The following SMYD3 variants were observed in gnomAD, a reference collection of about 807,000 sequenced individuals.
SMYD3 encodes the protein SET and MYND domain containing 3.
SMYD3 carries 36 observed loss-of-function variants against 57.7 expected under a neutral mutation model. The observed-to-expected ratio is 0.62, with a 90% CI of 0.48 to 0.82. The LOEUF (loss-of-function observed/expected upper bound fraction) is 0.82, where lower values mean the gene tolerates loss of function less well. Ranked by LOEUF, SMYD3 falls within the 40% of genes least tolerant of loss-of-function variation. The pLI, the probability that SMYD3 is intolerant of heterozygous loss-of-function variation, is 0.00. For synonymous variants in SMYD3, 211 were observed against 195.0 expected (o/e 1.08, Z -0.68); for missense variants, 515 against 538.8 (o/e 0.96, Z 0.44).
intron 1 of SMYD3, among the ~76,000 whole-genome samples, chr1:246,411,450 T>C (rs1366874574): frequency 1.3e-5 from 2 of 152,144 alleles, no homozygotes; most frequent in Non-Finnish European, 2.9e-5. Context: ...AGAAATACCA[T>C]TTGACCCAGC....
chr1:246,309,832 G>T (rs1003421829), intron 5 of SMYD3, among the ~76,000 whole-genome samples: 1 of 152,204 alleles, frequency 6.6e-6, no homozygotes, highest in South Asian at 2.1e-4. Flanking sequence ...TAAGAATCTG[G>T]TGAACTCCAT....
intron 5 of SMYD3, among the ~76,000 whole-genome samples, chr1:246,002,969 A>G (rs1380398110): frequency 6.6e-6 from 1 of 152,172 alleles, no homozygotes; most frequent in Non-Finnish European, 1.5e-5. Flanking sequence ...CATGGCTCAC[A>G]CGGAAACATC....
intron 5 of SMYD3, among the ~76,000 whole-genome samples, chr1:246,062,097 C>T (rs1348478742): frequency 2.0e-5 from 3 of 152,128 alleles, no homozygotes; most frequent in Non-Finnish European, 4.4e-5. Flanking sequence ...ACAAACGAAT[C>T]CCACAGGTTA....
At chr1:246,318,030 A>G (rs1264539329) in intron 5 of SMYD3, among the ~76,000 whole-genome samples, 2 of 152,174 alleles carry the variant, frequency 1.3e-5, no homozygotes, top group African/African-American at 4.8e-5. Context: ...TCTTATCATG[A>G]TATTAGTGTT....
At chr1:246,320,765 TCAAAA>T (rs2065233929) in intron 5 of SMYD3, among the ~76,000 whole-genome samples, 1 of 152,172 alleles carries the variant, frequency 6.6e-6, no homozygotes, top group African/African-American at 2.4e-5. Flanking sequence ...AAAAAAAATC[TCAAAA>T]CAAATTCTAC....
chr1:246,302,123 T>C (rs1339350004), intron 5 of SMYD3, among the ~76,000 whole-genome samples: 2 of 152,154 alleles, frequency 1.3e-5, no homozygotes, highest in East Asian at 3.9e-4. Flanking sequence ...TCACCACTAA[T>C]CTTGGGGATT....
chr1:246,080,189 T>C (rs1446492269), intron 5 of SMYD3, among the ~76,000 whole-genome samples: 1 of 135,652 alleles, frequency 7.4e-6, no homozygotes, highest in African/African-American at 2.9e-5. Flanking sequence ...CTGGTACTGG[T>C]CCATGGCCTG....
At position 245,806,916 on chromosome 1, in the gene SMYD3, CAAAAAAAA is replaced by C. The variant is rs112012738; in HGVS notation, c.1077-42775_1077-42768del. The stretch of plus-strand genomic sequence containing the variant: ...TGGGCGACAGAGCGAGACTCCGTCT[CAAAAAAAA>C]AAAAAAAAAAAAAAAAAAAAAGAGG... On this transcript the variant is annotated intron_variant, in intron 10 of 11. Coordinates refer to ENST00000490107, the MANE Select transcript of SMYD3 (RefSeq NM_001167740.2). Among the ~76,000 whole-genome samples, 24 of 41,328 alleles carry C rather than the reference CAAAAAAAA, an allele frequency of 5.8e-4. 1 individual carries two copies. The highest frequency in any genetic ancestry group is 3.5e-3 in the South Asian group (3 of 852). 27.1% of individuals were successfully genotyped at this position (41,328 alleles called of 152,430 possible).
chr1:246,364,552 T>C (rs1160883324), intron 1 of SMYD3, among the ~76,000 whole-genome samples: 1 of 152,198 alleles, frequency 6.6e-6, no homozygotes, highest in Non-Finnish European at 1.5e-5. Flanking sequence ...TAGTACACAC[T>C]GCTAAGGCAT....
intron 5 of SMYD3, among the ~76,000 whole-genome samples, chr1:246,075,394 AT>A (rs1373818346): frequency 6.6e-6 from 1 of 152,182 alleles, no homozygotes; most frequent in Non-Finnish European, 1.5e-5. Flanking sequence ...GGAATTTTCC[AT>A]TTTCTTATGC....
chr1:245,870,688 G>A (rs906665159), intron 8 of SMYD3, among the ~76,000 whole-genome samples: 1 of 152,194 alleles, frequency 6.6e-6, no homozygotes, highest in Non-Finnish European at 1.5e-5. Flanking sequence ...CGCTTCCTTT[G>A]GGTTTCGGAG....
intron 5 of SMYD3, among the ~76,000 whole-genome samples, chr1:246,201,678 C>T (rs1167556573): frequency 2.0e-5 from 3 of 152,130 alleles, no homozygotes; most frequent in East Asian, 1.9e-4. Flanking sequence ...CATAATGATC[C>T]GGTTCACATC....
chr1:246,118,356 A>G (rs2148013927), intron 5 of SMYD3, among the ~76,000 whole-genome samples: 1 of 152,280 alleles, frequency 6.6e-6, no homozygotes, highest in East Asian at 1.9e-4. Flanking sequence ...ATCACGGAAG[A>G]CAGAACTCAA....
intron 1 of SMYD3, 64 bp downstream of exon 1, chr1:246,506,990 C>A: frequency 1.6e-6 from 1 of 609,992 alleles, no homozygotes; most frequent in Non-Finnish European, 2.2e-6. Flanking sequence ...CCGCCCGACG[C>A]CCCCCCCTCC....
At chr1:246,134,727 T>C (rs1342924974) in intron 5 of SMYD3, among the ~76,000 whole-genome samples, 1 of 151,894 alleles carries the variant, frequency 6.6e-6, no homozygotes, top group Non-Finnish European at 1.5e-5. Context: ...TTTTAGAGGG[T>C]TAAATAACCA....
intron 5 of SMYD3, among the ~76,000 whole-genome samples, chr1:246,149,106 G>A (rs1158548847): frequency 1.3e-5 from 2 of 152,146 alleles, no homozygotes; most frequent in Non-Finnish European, 2.9e-5. Context: ...GGAGGATGTG[G>A]GGTCAGTAGA....
At chr1:245,958,422 A>G (rs2057912651) in intron 5 of SMYD3, among the ~76,000 whole-genome samples, 1 of 151,864 alleles carries the variant, frequency 6.6e-6, no homozygotes, top group African/African-American at 2.4e-5. Flanking sequence ...AACACCATAC[A>G]CCATTTTCTA....
intron 10 of SMYD3, among the ~76,000 whole-genome samples, chr1:245,780,835 A>T (rs1047615359): frequency 6.6e-6 from 1 of 152,238 alleles, no homozygotes; most frequent in Non-Finnish European, 1.5e-5. Context: ...TCATAGCCAA[A>T]AAAGTGGAAA....
chr1:246,234,422 A>G lies in SMYD3; in HGVS notation c.531+92779T>C, dbSNP rs146339458. ...GAGGAGAAGCACTTCTTCCATTCACACTGTGATGAACATATACCATGCAGA... is the reference window on the plus strand; with the variant it reads ...GAGGAGAAGCACTTCTTCCATTCACGCTGTGATGAACATATACCATGCAGA... On this transcript the variant is annotated intron_variant, in intron 5 of 11. Coordinates refer to ENST00000490107, the MANE Select transcript of SMYD3 (RefSeq NM_001167740.2). Among the ~76,000 whole-genome samples the G allele has an allele frequency of 1.2e-3, 185 of 152,308 alleles. 1 individual carries two copies. Among genetic ancestry groups the G allele is most frequent in the East Asian group, 0.01 (54 of 5,188 alleles).
Sources: allele counts gnomAD v4.1 joint callset (sites outside exome capture counted in the v4.1 genomes callset), GRCh38; gene constraint gnomAD v4.1.1; transcripts MANE v1.5; gene names NCBI Gene and HGNC (gene_info 2026-07-23, HGNC 2026-07-21).